RAB11FIP4: variants seen among roughly 807,000 people sequenced by gnomAD.
RAB11FIP4 encodes the protein RAB11 family interacting protein 4, also known as rab11 family-interacting protein 4.
RAB11FIP4 carries 23 observed loss-of-function variants against 74.3 expected under a neutral mutation model. The observed-to-expected ratio is 0.31, with a 90% confidence interval of 0.22 to 0.44. The LOEUF (loss-of-function observed/expected upper bound fraction) is 0.44. Ranked by LOEUF, RAB11FIP4 falls within the 20% of genes least tolerant of loss-of-function variation. The pLI is 1.00. For missense variants in RAB11FIP4, 630 were observed against 863.9 expected (o/e 0.73, Z 3.39); for synonymous variants, 360 against 359.9 (o/e 1.00, Z 0.00).
chr17:31,462,897 A>G (rs141194226), intron 3 of RAB11FIP4, among the ~76,000 whole-genome samples: 1,591 of 152,222 alleles, frequency 0.01, 27 homozygotes, highest in African/African-American at 0.036. Flanking sequence ...CGGCCTCCCA[A>G]AGTGCTGGCA....
Position 31,536,145 on chromosome 17 carries a change from C to T in RAB11FIP4, c.*4413C>T, listed in dbSNP as rs2142844302. 1 of 152,206 alleles carries T rather than the reference C, an allele frequency of 6.6e-6. No homozygotes were observed. The highest frequency in any genetic ancestry group is 1.9e-4 in the East Asian group (1 of 5,166). 9.4% of individuals were successfully genotyped at this position (152,206 alleles called of 1,614,324 possible). A position where few individuals can be genotyped will look rare whatever the true frequency, so the allele number is the denominator to read the frequency against. ...CCAGGTGAAACTGGGAGAAATGAAG[C>T]CCTCTGTGTCCTGTGTGTGTGGTGG... On this transcript the variant is annotated 3_prime_UTR_variant, in exon 15 of 15. Transcript: ENST00000621161.
In RAB11FIP4 at chr17:31,536,904, G is replaced by A; in HGVS notation, c.*5172G>A. On this transcript the variant is annotated 3_prime_UTR_variant, in exon 15 of 15. Coordinates refer to ENST00000621161, the MANE Select transcript of RAB11FIP4 (RefSeq NM_032932.6). Reference sequence around the variant, plus strand: ...TAATGTCACCATGCTCACCAGGCGAGGTTTCCCATATGACCTCCCTGCCCC... The same window carrying A: ...TAATGTCACCATGCTCACCAGGCGAAGTTTCCCATATGACCTCCCTGCCCC... The A allele has an allele frequency of 2.5e-6, 1 of 398,616 alleles. No individual in the cohort carries two copies. The highest frequency in any genetic ancestry group is 4.4e-6 in the Non-Finnish European group (1 of 226,080). 24.7% of individuals were successfully genotyped at this position (398,616 alleles called of 1,614,324 possible). A position where few individuals can be genotyped will look rare whatever the true frequency, so the allele number is the denominator to read the frequency against.
At chr17:31,400,234 C>A (rs774026621) in intron 1 of RAB11FIP4, among the ~76,000 whole-genome samples, 6 of 152,098 alleles carry the variant, frequency 3.9e-5, no homozygotes, top group Non-Finnish European at 8.8e-5. Context: ...ACATTAGTGC[C>A]GAAACAAAAG....
intron 13 of RAB11FIP4, among the ~76,000 whole-genome samples, chr17:31,529,990 A>G (rs2072838021): frequency 2.0e-5 from 3 of 152,098 alleles, no homozygotes; most frequent in African/African-American, 7.2e-5. Context: ...CCAGAGCATC[A>G]CTTCCTTCAC....
At chr17:31,445,578 ATTTTTTTTTTTTTTT>A (rs61393689) in intron 3 of RAB11FIP4, among the ~76,000 whole-genome samples, 1 of 16,294 alleles carries the variant, frequency 6.1e-5, no homozygotes, top group African/African-American at 2.3e-4. Context: ...ATATATATAT[ATTTTTTTTTTTTTTT>A]TTTTTTTTTT....
intron 3 of RAB11FIP4, among the ~76,000 whole-genome samples, chr17:31,511,279 G>T (rs147342379): frequency 1.3e-5 from 2 of 152,192 alleles, no homozygotes; most frequent in African/African-American, 4.8e-5. Flanking sequence ...TCCTTTTGCC[G>T]TGTGTTCCGC....
intron 3 of RAB11FIP4, 88 bp downstream of exon 3, chr17:31,434,210 AC>A: frequency 9.4e-7 from 1 of 1,065,012 alleles, no homozygotes; most frequent in South Asian, 1.3e-5. Context: ...ATCTGGGAGG[AC>A]CCAGAACCTC....
At chr17:31,416,748 C>T (rs1286117256) in intron 1 of RAB11FIP4, among the ~76,000 whole-genome samples, 2 of 152,240 alleles carry the variant, frequency 1.3e-5, no homozygotes, top group African/African-American at 2.4e-5. Flanking sequence ...GCCTGCTGTG[C>T]GGTGAGGCCA....
chr17:31,505,646 TATAATATATAATAATTATATA>T (rs2072331078), intron 3 of RAB11FIP4, among the ~76,000 whole-genome samples: 1 of 92,644 alleles, frequency 1.1e-5, no homozygotes, highest in African/African-American at 6.2e-5. Flanking sequence ...AATAATTATA[TATAATATATAATAATTATATA>T]ATACATAATT....
chr17:31,452,708 A>G (rs991228692), intron 3 of RAB11FIP4, among the ~76,000 whole-genome samples: 6 of 151,986 alleles, frequency 3.9e-5, no homozygotes, highest in African/African-American at 1.5e-4. Context: ...TCCAGCAGCA[A>G]GTGTTATTTG....
chr17:31,505,153 A>C (rs1276704110), intron 3 of RAB11FIP4, among the ~76,000 whole-genome samples: 1 of 151,832 alleles, frequency 6.6e-6, no homozygotes, highest in Non-Finnish European at 1.5e-5. Flanking sequence ...CTCTGCATTA[A>C]AGGGACAGTA....
chr17:31,514,851 G>A (rs1249514687), intron 3 of RAB11FIP4, among the ~76,000 whole-genome samples: 2 of 152,228 alleles, frequency 1.3e-5, no homozygotes, highest in Non-Finnish European at 2.9e-5. Context: ...TGCGTTAGGC[G>A]GCATGCTAAG....
chr17:31,431,923 TC>T, intron 2 of RAB11FIP4, 23 bp downstream of exon 2: 1 of 1,556,224 alleles, frequency 6.4e-7, no homozygotes, highest in Non-Finnish European at 8.9e-7. Context: ...CGGGAGGCTT[TC>T]CCAGGCGCTC....
At chr17:31,513,564 A>G (rs987170874) in intron 3 of RAB11FIP4, among the ~76,000 whole-genome samples, 1 of 152,200 alleles carries the variant, frequency 6.6e-6, no homozygotes, top group African/African-American at 2.4e-5. Context: ...ACCATGGCAA[A>G]TACCAAACCA....
chr17:31,396,331 T>C (rs1184668207), intron 1 of RAB11FIP4, among the ~76,000 whole-genome samples: 1 of 152,206 alleles, frequency 6.6e-6, no homozygotes, highest in Non-Finnish European at 1.5e-5. Flanking sequence ...CTCAACATCC[T>C]GACCCTGTGT....
chr17:31,505,515 AATTATAT>A (rs1227379127), intron 3 of RAB11FIP4, among the ~76,000 whole-genome samples: 18 of 74,196 alleles, frequency 2.4e-4, no homozygotes, highest in South Asian at 8.3e-4. Context: ...TATATATAAT[AATTATAT>A]ATTATATATA....
chr17:31,488,233 C>G, intron 3 of RAB11FIP4: 1 of 1,148,364 alleles, frequency 8.7e-7, no homozygotes, highest in Non-Finnish European at 1.1e-6. Context: ...TGCCGGGGAG[C>G]GGCCCGCGGA....
At chr17:31,515,571 C>T (rs979312155) in intron 3 of RAB11FIP4, among the ~76,000 whole-genome samples, 2 of 152,068 alleles carry the variant, frequency 1.3e-5, no homozygotes. Context: ...CACATCCAGG[C>T]CTGTCGCTGA....
intron 1 of RAB11FIP4, among the ~76,000 whole-genome samples, chr17:31,422,533 G>A (rs2071209676): frequency 1.3e-5 from 2 of 152,054 alleles, no homozygotes; most frequent in Non-Finnish European, 2.9e-5. Flanking sequence ...TGTTTTTAGG[G>A]ACATATGCAT....
Sources: gnomAD v4.1 joint callset for allele counts (sites outside exome capture counted in the v4.1 genomes callset) on GRCh38, gnomAD v4.1.1 for gene constraint, MANE v1.5 for transcripts, NCBI Gene and HGNC (gene_info 2026-07-23, HGNC 2026-07-21) for gene names.